ZCCHC8: variants seen among roughly 807,000 people sequenced by gnomAD.
ZCCHC8 encodes zinc finger CCHC domain-containing protein 8.
ZCCHC8 carries 27 observed loss-of-function variants against 70.6 expected under a neutral mutation model. The observed-to-expected ratio is 0.38, with a 90% CI of 0.28 to 0.53. ZCCHC8 has a LOEUF of 0.53. Among genes scored for constraint, ZCCHC8 ranks in the 20% least tolerant of loss-of-function variants. The pLI is 0.81. For missense variants in ZCCHC8, 737 were observed against 876.9 expected (o/e 0.84, Z 2.01); for synonymous variants, 293 against 317.4 (o/e 0.92, Z 0.82).
intron 11 of ZCCHC8, among the ~76,000 whole-genome samples, chr12:122,478,722 T>C (rs1485794861): frequency 6.6e-6 from 1 of 152,148 alleles, no homozygotes; most frequent in East Asian, 1.9e-4. Flanking sequence ...TCTTTAAAGA[T>C]TCCACACAGC....
rs144439837 is a variant in ZCCHC8, at chr12:122,489,128, A to G, written c.501+258T>C. 1.1e-4 allele frequency among the ~76,000 whole-genome samples: 16 copies of G among 152,242 alleles called. 1 individual carries two copies. The highest frequency in any genetic ancestry group is 1.7e-4 in the African/African-American group (7 of 41,536). ...AGCATGCTTTCTATATCTTCATCCA[A>G]CTTCTTGAATAAACACAGTGGTTGG... On this transcript the variant is annotated intron_variant, in intron 5 of 13. Coordinates refer to ENST00000633063, the MANE Select transcript of ZCCHC8 (RefSeq NM_017612.5).
intron 5 of ZCCHC8, among the ~76,000 whole-genome samples, chr12:122,484,826 C>T (rs1237736544): frequency 5.3e-5 from 8 of 152,136 alleles, no homozygotes; most frequent in African/African-American, 9.7e-5. Flanking sequence ...GAACAGTTCT[C>T]ACTCTTCATC....
At chr12:122,489,980 T>C (rs1314334717) in intron 4 of ZCCHC8, among the ~76,000 whole-genome samples, 1 of 135,136 alleles carries the variant, frequency 7.4e-6, no homozygotes, top group East Asian at 2.0e-4. Context: ...TAATTTTTAA[T>C]AAAAAAAAAA....
chr12:122,480,712 TCCAC>T (rs1015012813), intron 10 of ZCCHC8: 6 of 153,806 alleles, frequency 3.9e-5, no homozygotes, highest in African/African-American at 1.4e-4. Context: ...GCTCAAGAGA[TCCAC>T]CCACTGCCTC....
intron 3 of ZCCHC8, among the ~76,000 whole-genome samples, chr12:122,491,638 G>A (rs1957746428): frequency 6.6e-6 from 1 of 151,734 alleles, no homozygotes; most frequent in Non-Finnish European, 1.5e-5. Flanking sequence ...AGACCAGCCT[G>A]ACCAACATGG....
intron 13 of ZCCHC8, among the ~76,000 whole-genome samples, chr12:122,476,434 A>G (rs566043677): frequency 9.2e-5 from 14 of 152,108 alleles, no homozygotes; most frequent in Middle Eastern, 6.8e-3. Context: ...TGTCTACAAA[A>G]TATACAAAAA....
intron 10 of ZCCHC8, chr12:122,480,554 T>G (rs946455247): frequency 3.2e-6 from 1 of 313,208 alleles, no homozygotes; most frequent in Non-Finnish European, 5.8e-6. Context: ...TCACTACAGC[T>G]TCTGCCTCTC....
Position 122,500,646 on chromosome 12 carries a change from G to A in ZCCHC8, c.195C>T (p.Ala65=), listed in dbSNP as rs1195895141. Residue 65 remains alanine (A), a synonymous_variant, in exon 1 of 14, where the codon GCC becomes GCT. Coordinates refer to ENST00000633063, the MANE Select transcript of ZCCHC8 (RefSeq NM_017612.5). This position sits in a 1 kb window ranked among gnomAD's most constrained non-coding sequence, Gnocchi z 4.8. ...QCEETIEQLR[A]ENQELKRKLN... ...CCCAGCGAGAGGAAAGGATATTCTCGGCGCGGAGCTGCTCGATGGTCTCCT... is the reference window on the plus strand; with the variant it reads ...CCCAGCGAGAGGAAAGGATATTCTCAGCGCGGAGCTGCTCGATGGTCTCCT... 7.0e-6 allele frequency: 11 copies of A among 1,569,694 alleles called. No homozygotes were observed. Among genetic ancestry groups the A allele is most frequent in the Non-Finnish European group, 9.5e-6 (11 of 1,159,306 alleles).
In ZCCHC8 at chr12:122,473,734, G is replaced by C; in HGVS notation, c.1887C>G (p.Val629=). ...TEGALLDNGS[V]VPNCDISNGG... ...CATTGCTGATGTCACAGTTTGGTAC[G>C]ACACTGCCATTATCAAGAAGGGCAC... Residue 629 remains valine (V), a synonymous_variant, in exon 14 of 14, where the codon GTC becomes GTG. Coordinates refer to ENST00000633063, the MANE Select transcript of ZCCHC8 (RefSeq NM_017612.5). 1 of 1,613,800 alleles carries C rather than the reference G, an allele frequency of 6.2e-7. No homozygotes were observed.
rs1304121302 is a variant in ZCCHC8 at position 122,500,589 on chromosome 12, C to A, written c.199+53G>T. On this transcript the variant is annotated intron_variant, in intron 1 of 13. Coordinates refer to ENST00000633063, the MANE Select transcript of ZCCHC8 (RefSeq NM_017612.5). The surrounding 1 kb of genome is among the most constrained non-coding windows in gnomAD (Gnocchi z 4.8). Reference sequence around the variant, plus strand: ...GGCGCTGCCCCGGCCCCACGCCTGGCGCTGCCCCGGCCCCACACCCGGGTG... The same window carrying A: ...GGCGCTGCCCCGGCCCCACGCCTGGAGCTGCCCCGGCCCCACACCCGGGTG... 1.3e-6 allele frequency: 2 copies of A among 1,509,726 alleles called. No individual in the cohort carries two copies. The highest frequency in any genetic ancestry group is 1.8e-6 in the Non-Finnish European group (2 of 1,129,012). 93.5% of individuals were successfully genotyped at this position (1,509,726 alleles called of 1,614,324 possible). A position where few individuals can be genotyped will look rare whatever the true frequency, so the allele number is the denominator to read the frequency against.
At chr12:122,488,428 C>T (rs1444130153) in intron 5 of ZCCHC8, among the ~76,000 whole-genome samples, 1 of 152,014 alleles carries the variant, frequency 6.6e-6, no homozygotes, top group African/African-American at 2.4e-5. Context: ...AATCCTTCCA[C>T]CTTGGCCTCC....
chr12:122,486,301 T>C (rs2137347324), intron 5 of ZCCHC8, among the ~76,000 whole-genome samples: 1 of 148,964 alleles, frequency 6.7e-6, no homozygotes, highest in East Asian at 2.1e-4. Flanking sequence ...TGATCCCAGC[T>C]ACTCAGGAGG....
chr12:122,490,284 A>G lies in ZCCHC8; in HGVS notation c.423+178T>C, dbSNP rs191104222. ...GGCAATGTAAAAAGTCTGAGCCACA[A>G]GGTAAAAGAACGCTGTGTGGCTAAA... On this transcript the variant is annotated intron_variant, in intron 4 of 13. Transcript: ENST00000633063. 1.7e-4 allele frequency among the ~76,000 whole-genome samples: 26 copies of G among 152,298 alleles called. No individual in the cohort carries two copies. The East Asian group carries it at 3.1e-3, about 18-fold the overall frequency.
chr12:122,488,544 T>C (rs924702376), intron 5 of ZCCHC8, among the ~76,000 whole-genome samples: 1 of 151,818 alleles, frequency 6.6e-6, no homozygotes, highest in Non-Finnish European at 1.5e-5. Context: ...TTTCCTTCAA[T>C]ATTATAGAAT....
intron 5 of ZCCHC8, among the ~76,000 whole-genome samples, chr12:122,485,686 T>TC (rs1271270447): frequency 6.6e-6 from 1 of 151,552 alleles, no homozygotes; most frequent in Non-Finnish European, 1.5e-5. Context: ...TTTTTTTTTT[T>TC]CTGAGATGGA....
chr12:122,478,207 G>A lies in ZCCHC8; in HGVS notation c.1226C>T (p.Ala409Val), dbSNP rs201799696. ...AGCACACCCTTAAAATCTATTTACC[G>A]CTTGGAAGTTAGAAGTAAGGTAATT... ...FANYLTSNFQ[A>V]PGVKSGNKRS... Residue 409 changes from alanine (A) to valine (V), a missense_variant and splice_region_variant, in exon 12 of 14, where the codon GCG becomes GTG. Transcript: ENST00000633063. 13 of 1,589,244 alleles carry A rather than the reference G, an allele frequency of 8.2e-6. No homozygotes were observed. The highest frequency in any genetic ancestry group is 7.1e-5 in the Admixed American group (4 of 56,318).
chr12:122,500,504 C>T lies in ZCCHC8; in HGVS notation c.199+138G>A. On this transcript the variant is annotated intron_variant, in intron 1 of 13. Coordinates refer to ENST00000633063, the MANE Select transcript of ZCCHC8 (RefSeq NM_017612.5). The surrounding 1 kb of genome is among the most constrained non-coding windows in gnomAD (Gnocchi z 4.8). ...AGACTCTCGGTCCGCCGGCGGGTGA[C>T]AGAAAGCACTTGGAATTCTGGCCCT... 8.7e-7 allele frequency: 1 copy of T among 1,148,640 alleles called. No individual in the cohort carries two copies. Among genetic ancestry groups the T allele is most frequent in the Non-Finnish European group, 1.2e-6 (1 of 839,082 alleles). The allele number at this position is 1,148,640 out of a possible 1,614,324, so 71.2% of individuals were successfully genotyped here.
Position 122,473,878 on chromosome 12 carries a change from A to C in ZCCHC8, c.1743T>G (p.Pro581=), listed in dbSNP as rs1216073995. The C allele has an allele frequency of 1.9e-6, 3 of 1,613,936 alleles. No homozygotes were observed. The highest frequency in any genetic ancestry group is 2.5e-6 in the Non-Finnish European group (3 of 1,179,884). ...TCTTTGTAAAAATCTCTGGTACCTCAGGCTCATCCAGCGTCTGCTTTTCAG... is the reference window on the plus strand; with the variant it reads ...TCTTTGTAAAAATCTCTGGTACCTCCGGCTCATCCAGCGTCTGCTTTTCAG... ...KTSEKQTLDE[P]EVPEIFTKKS... The change falls in exon 14 of 14, where the codon CCT becomes CCG. Residue 581 remains proline (P), a synonymous_variant. Transcript: ENST00000633063.
intron 12 of ZCCHC8, 60 bp downstream of exon 12, chr12:122,478,146 A>G (rs530807433): frequency 3.5e-6 from 5 of 1,425,742 alleles, no homozygotes; most frequent in Non-Finnish European, 4.9e-6. Context: ...ACGCTAATAA[A>G]TTACACAATC....
Sources: allele counts gnomAD v4.1 joint callset (sites outside exome capture counted in the v4.1 genomes callset), GRCh38; gene constraint gnomAD v4.1.1; non-coding constraint Gnocchi (gnomAD v3.1); transcripts MANE v1.5; gene names NCBI Gene and HGNC (gene_info 2026-07-23, HGNC 2026-07-21).